SPEG: variants seen among roughly 807,000 people sequenced by gnomAD.
SPEG encodes striated muscle enriched protein kinase.
In SPEG, 114 loss-of-function variants were observed where a neutral mutation model predicts 300.4. The observed-to-expected ratio is 0.38, with a 90% CI of 0.33 to 0.44. The LOEUF is 0.44. Among genes scored for constraint, SPEG ranks in the 20% least tolerant of loss-of-function variants. The probability of loss-of-function intolerance (pLI) is 1.00; values close to 1 mark genes in which losing one functional copy is unlikely to be tolerated. For synonymous variants in SPEG, 1,964 were observed against 2,018.9 expected (o/e 0.97, Z 0.73); for missense variants, 4,201 against 4,586.2 (o/e 0.92, Z 2.43).
chr2:219,449,170 G>A lies in SPEG; in HGVS notation c.2012G>A (p.Arg671His). 1.4e-6 allele frequency: 2 copies of A among 1,405,024 alleles called. No individual in the cohort carries two copies. Among genetic ancestry groups the A allele is most frequent in the Non-Finnish European group, 1.9e-6 (2 of 1,079,504 alleles). 87.0% of individuals were successfully genotyped at this position (1,405,024 alleles called of 1,614,324 possible). A position where few individuals can be genotyped will look rare whatever the true frequency, so the allele number is the denominator to read the frequency against. ...RAGPEAEKRL[R>H]RGPEEDGPWG... ...GGGCCTGAGGCAGAGAAGAGGCTTC[G>A]CAGAGGGCCGGAGGAGGACGGTCCC... The change falls in exon 4 of 41, where the codon CGC becomes CAC. Residue 671 changes from arginine to histidine, a missense_variant. Arg to His is a conservative substitution (Grantham distance 29, BLOSUM62 0). Transcript: ENST00000312358.
In SPEG at chr2:219,480,782, T is replaced by A; in HGVS notation, c.5369+85T>A. 7.9e-7 allele frequency: 1 copy of A among 1,273,346 alleles called. No homozygotes were observed. The highest frequency in any genetic ancestry group is 1.1e-6 in the Non-Finnish European group (1 of 871,488). 78.9% of individuals were successfully genotyped at this position (1,273,346 alleles called of 1,614,324 possible). A position where few individuals can be genotyped will look rare whatever the true frequency, so the allele number is the denominator to read the frequency against. On this transcript the variant is annotated intron_variant, in intron 26 of 40. Coordinates refer to ENST00000312358, the MANE Select transcript of SPEG (RefSeq NM_005876.5). The surrounding 1 kb of genome is among the most constrained non-coding windows in gnomAD (Gnocchi z 5.3). ...AGGGCTGCAGCCCACCCCCTTCTCTTCCGCACCCCCCACTCCTTCTTGCAC... is the reference window on the plus strand; with the variant it reads ...AGGGCTGCAGCCCACCCCCTTCTCTACCGCACCCCCCACTCCTTCTTGCAC...
chr2:219,478,077 C>G lies in SPEG; in HGVS notation c.4999C>G (p.Arg1667Gly), dbSNP rs149716323. 3.9e-4 allele frequency: 637 copies of G among 1,614,142 alleles called. 4 individuals are homozygous for G. The African/African-American group carries it at 7.6e-3, about 19-fold the overall frequency. The part of the protein sequence containing the change: ...VLYFHEAFER[R>G]RGLVIVTELC... Reference sequence around the variant, plus strand: ...CTACTTCCATGAGGCCTTCGAGAGGCGCCGGGGACTGGTCATTGTCACCGA... The same window carrying G: ...CTACTTCCATGAGGCCTTCGAGAGGGGCCGGGGACTGGTCATTGTCACCGA... Residue 1667 changes from arginine (R) to glycine (G), a missense_variant, in exon 22 of 41, where the codon CGC (arginine) becomes GGC (glycine). Arg to Gly is a moderately radical substitution (Grantham distance 125, BLOSUM62 -2). Coordinates refer to ENST00000312358, the MANE Select transcript of SPEG (RefSeq NM_005876.5).
Position 219,448,242 on chromosome 2 carries a change from G to C in SPEG, c.1084G>C (p.Gly362Arg). Residue 362 changes from glycine to arginine, a missense_variant, in exon 4 of 41, where the codon GGG becomes CGG. Physicochemically the swap from Gly to Arg is moderately radical, Grantham distance 125. This residue lies in a region of SPEG where 1,258 missense variants were observed against 1,293.9 expected (regional missense o/e 0.97). Transcript: ENST00000312358. ...GCGAGGGAAGAAGTCCAAGTCGTCC[G>C]GGCCCTCCCTGGCGGGCACCGCGGA... ...EKRGKKSKSS[G>R]PSLAGTAESR... The C allele has an allele frequency of 6.2e-7, 1 of 1,612,400 alleles. No individual in the cohort carries two copies. Among genetic ancestry groups the C allele is most frequent in the Non-Finnish European group, 8.5e-7 (1 of 1,179,604 alleles).
At position 219,489,123 on chromosome 2, in the gene SPEG, T is replaced by C. The variant is rs1274915434; in HGVS notation, c.8219T>C (p.Val2740Ala). ...TACTACAACGTGACCCACCTGCCAGTTGGCGTGACTGTGAGGTTCCGTGTG... is the reference window on the plus strand; with the variant it reads ...TACTACAACGTGACCCACCTGCCAGCTGGCGTGACTGTGAGGTTCCGTGTG... ...DCYYNVTHLPVGVTVRFRVAC... is the reference protein window; with the variant it reads ...DCYYNVTHLPAGVTVRFRVAC... The change falls in exon 35 of 41, where the codon GTT becomes GCT. Residue 2740 changes from valine (V) to alanine (A), a missense_variant. Around this residue, in one of 4 missense-constraint regions of SPEG, gnomAD observed 1,578 missense variants for 1,506.0 expected, o/e 1.05. Transcript: ENST00000312358. The C allele has an allele frequency of 1.2e-6, 2 of 1,613,820 alleles. No homozygotes were observed. The highest frequency in any genetic ancestry group is 2.7e-5 in the African/African-American group (2 of 74,852).
At position 219,467,267 on chromosome 2, in the gene SPEG, C is replaced by A; in HGVS notation, c.2975C>A (p.Ala992Glu). Residue 992 changes from alanine (A) to glutamate (E), a missense_variant, in exon 10 of 41, where the codon GCG becomes GAG. Ala to Glu is a moderately radical substitution (Grantham distance 107). Transcript: ENST00000312358. ...ATGGCGCTGTTTGAGTGCCTGGTGG[C>A]GGGGCCCACTGACGTGGAGGTGGAT... ...GEMALFECLV[A>E]GPTDVEVDWL... 1 of 1,608,366 alleles carries A rather than the reference C, an allele frequency of 6.2e-7. No homozygotes were observed. Among genetic ancestry groups the A allele is most frequent in the Non-Finnish European group, 8.5e-7 (1 of 1,178,800 alleles).
intron 4 of SPEG, 136 bp downstream of exon 4, chr2:219,449,407 GC>G: frequency 1.6e-6 from 1 of 611,128 alleles, no homozygotes; most frequent in Non-Finnish European, 2.5e-6. Context: ...GGGTGGGTTT[GC>G]CAAAGAAGGC....
At chr2:219,457,256 A>G (rs1166022461) in intron 6 of SPEG, among the ~76,000 whole-genome samples, 2 of 152,168 alleles carry the variant, frequency 1.3e-5, no homozygotes, top group African/African-American at 2.4e-5. Flanking sequence ...CCTGCAGCCT[A>G]TCACTCCCTT....
At chr2:219,460,576 G>C (rs1486095221) in intron 6 of SPEG, 1 of 985,464 alleles carries the variant, frequency 1.0e-6, no homozygotes, top group Non-Finnish European at 1.2e-6. Flanking sequence ...GCTCTTGTCA[G>C]GGTCTGAAGC....
Position 219,483,675 on chromosome 2 carries a change from G to A in SPEG, c.6212G>A (p.Arg2071His). Residue 2071 changes from arginine to histidine, a missense_variant, in exon 30 of 41, where the codon CGC becomes CAC. Transcript: ENST00000312358. ...GEYAQRLQAL[R>H]QRLLRGGPED... The stretch of plus-strand genomic sequence containing the variant: ...TATGCCCAGAGGCTGCAGGCCCTGC[G>A]CCAGCGGCTGCTGCGGGGAGGCCCC... 6.5e-7 allele frequency: 1 copy of A among 1,533,642 alleles called. No homozygotes were observed. The highest frequency in any genetic ancestry group is 8.7e-7 in the Non-Finnish European group (1 of 1,146,710).
In SPEG at chr2:219,482,662, C is replaced by A. The variant is rs1575166213; in HGVS notation, c.5566-122C>A. The A allele has an allele frequency of 3.8e-6, 3 of 796,724 alleles. No homozygotes were observed. The East Asian group carries it at 8.0e-5, about 21-fold the overall frequency. 49.4% of individuals were successfully genotyped at this position (796,724 alleles called of 1,614,324 possible). A position where few individuals can be genotyped will look rare whatever the true frequency, so the allele number is the denominator to read the frequency against. On this transcript the variant is annotated intron_variant, in intron 28 of 40. Coordinates refer to ENST00000312358, the MANE Select transcript of SPEG (RefSeq NM_005876.5). ...GGAAGGGGACCCCCAGGAGCCCAGA[C>A]TCAGTGCTGCTCGATCCACTCTCTC...
intron 4 of SPEG, chr2:219,450,871 G>T (rs901583137): frequency 5.5e-6 from 2 of 362,212 alleles, no homozygotes; most frequent in East Asian, 5.0e-5. Flanking sequence ...AGAAGCCAAC[G>T]CTCTAATTGT....
rs767170774 is a variant in SPEG, at chr2:219,435,020, A to G, written c.43A>G (p.Arg15Gly). The G allele has an allele frequency of 6.7e-7, 1 of 1,503,088 alleles. No individual in the cohort carries two copies. The highest frequency in any genetic ancestry group is 8.8e-7 in the Non-Finnish European group (1 of 1,133,546). 93.1% of individuals were successfully genotyped at this position (1,503,088 alleles called of 1,614,324 possible). Residue 15 changes from arginine to glycine, a missense_variant, in exon 1 of 41, where the codon AGG becomes GGG. Transcript: ENST00000312358. ...CACGCGAGGCGAGGATGCGGGCACG[A>G]GGGCACCCCCCAGCCCCGGAGTGCC... ...RGTRGEDAGT[R>G]APPSPGVPPK...
In SPEG at chr2:219,479,750, C is replaced by T. The variant is rs765271410; in HGVS notation, c.5086-33C>T. On this transcript the variant is annotated intron_variant, in intron 23 of 40. Transcript: ENST00000312358. This position sits in a 1 kb window ranked among gnomAD's most constrained non-coding sequence, Gnocchi z 5.5. ...AGGTGTTCAGACATACACCACCCTT[C>T]CCCCTCAGACTCTGGGCCCACTATT... 1.9e-6 allele frequency: 3 copies of T among 1,606,282 alleles called. No individual in the cohort carries two copies. The East Asian group carries it at 6.7e-5, about 36-fold the overall frequency.
intron 6 of SPEG, among the ~76,000 whole-genome samples, chr2:219,454,718 A>T (rs1690039858): frequency 6.6e-6 from 1 of 152,200 alleles, no homozygotes. Context: ...CTGCCTAGGG[A>T]TGTTTTCAGC....
intron 9 of SPEG, chr2:219,465,846 T>C: frequency 3.3e-6 from 2 of 613,554 alleles, no homozygotes; most frequent in East Asian, 2.8e-5. Context: ...TGTATGTGCA[T>C]GCATGTGTGT....
rs1000806425 is a variant in SPEG at position 219,459,100 on chromosome 2, T to C, written c.2441-2782T>C. Among the ~76,000 whole-genome samples the C allele has an allele frequency of 6.6e-6, 1 of 152,140 alleles. No homozygotes were observed. Among genetic ancestry groups the C allele is most frequent in the African/African-American group, 2.4e-5 (1 of 41,442 alleles). On this transcript the variant is annotated intron_variant, in intron 6 of 40. Transcript: ENST00000312358. This position sits in a 1 kb window ranked among gnomAD's most constrained non-coding sequence, Gnocchi z 4.9. ...AACGCCAGTATTTTCATCAAATGAG[T>C]TTGACCTGAGAGTGATGTTGAAAGG... is the stretch of plus-strand genomic sequence containing the variant.
In SPEG at chr2:219,456,936, G is replaced by T. The variant is rs897488274; in HGVS notation, c.2441-4946G>T. 1.2e-4 allele frequency among the ~76,000 whole-genome samples: 6 copies of T among 50,248 alleles called. No homozygotes were observed. The Admixed American group carries it at 1.6e-3, about 14-fold the overall frequency. 33.0% of individuals were successfully genotyped at this position (50,248 alleles called of 152,430 possible). A position where few individuals can be genotyped will look rare whatever the true frequency, so the allele number is the denominator to read the frequency against. ...AAAAAAAAAAAAAAGAAAAGAAAAA[G>T]AAAAAAAAGAAAAGAAAAAAGAAAA... On this transcript the variant is annotated intron_variant, in intron 6 of 40. Transcript: ENST00000312358.
At chr2:219,461,808 G>A in intron 6 of SPEG, 74 bp from the exon 7 acceptor site, 1 of 1,493,918 alleles carries the variant, frequency 6.7e-7, no homozygotes, top group Admixed American at 1.8e-5. Context: ...CTGGGCTCTG[G>A]GCGACATTCC....
chr2:219,458,228 TG>T lies in SPEG; in HGVS notation c.2441-3651del, dbSNP rs1314993928. On this transcript the variant is annotated intron_variant, in intron 6 of 40. Coordinates refer to ENST00000312358, the MANE Select transcript of SPEG (RefSeq NM_005876.5). This position sits in a 1 kb window ranked among gnomAD's most constrained non-coding sequence, Gnocchi z 4.2. The stretch of plus-strand genomic sequence containing the variant: ...TGACTTTTCAAGCCCTTGAGCAACG[TG>T]GGTGACACACAGAGGTGAGGCTAGG... Among the ~76,000 whole-genome samples the T allele has an allele frequency of 6.6e-6, 1 of 152,062 alleles. No homozygotes were observed. The highest frequency in any genetic ancestry group is 1.5e-5 in the Non-Finnish European group (1 of 68,006).
Sources: gnomAD v4.1 joint callset for allele counts (sites outside exome capture counted in the v4.1 genomes callset) on GRCh38, gnomAD v4.1.1 for gene constraint, gnomAD v4.1.1 regional missense constraint, Gnocchi (gnomAD v3.1) non-coding constraint, MANE v1.5 for transcripts, NCBI Gene and HGNC (gene_info 2026-07-23, HGNC 2026-07-21) for gene names.